Variants in RSRC1 observed in about 807,000 individuals in gnomAD.
RSRC1 encodes the protein serine/Arginine-related protein 53.
A neutral mutation model predicts 49.1 loss-of-function variants in RSRC1; 39 were observed. The ratio of observed to expected loss-of-function variants is 0.79; its 90% confidence interval spans 0.61 to 1.04. The LOEUF is 1.04. Among genes scored for constraint, RSRC1 ranks in the 50% least tolerant of loss-of-function variants. The pLI, the probability that RSRC1 is intolerant of heterozygous loss-of-function variation, is 0.00. For missense variants in RSRC1, 388 were observed against 402.4 expected (o/e 0.96, Z 0.31); for synonymous variants, 143 against 130.8 (o/e 1.09, Z -0.63).
intron 3 of RSRC1, among the ~76,000 whole-genome samples, chr3:158,133,856 T>C (rs1716191345): frequency 6.6e-6 from 1 of 152,228 alleles, no homozygotes; most frequent in South Asian, 2.1e-4. Context: ...CTTAGTTTAC[T>C]AAGTGGAACA....
intron 3 of RSRC1, among the ~76,000 whole-genome samples, chr3:158,190,136 C>T (rs1720152577): frequency 1.3e-5 from 2 of 151,934 alleles, no homozygotes; most frequent in Admixed American, 1.3e-4. Flanking sequence ...CTGATATCAA[C>T]TTGTCTTTCT....
intron 6 of RSRC1, among the ~76,000 whole-genome samples, chr3:158,396,409 T>G (rs1286610982): frequency 6.6e-6 from 1 of 151,106 alleles, no homozygotes; most frequent in Non-Finnish European, 1.5e-5. Context: ...TTTTTTTTAA[T>G]GAAGGAAGAT....
chr3:158,263,159 T>C (rs574201950), intron 4 of RSRC1, among the ~76,000 whole-genome samples: 21 of 152,298 alleles, frequency 1.4e-4, no homozygotes, highest in African/African-American at 4.6e-4. Flanking sequence ...GTTATCAAGA[T>C]AATTTTAGTA....
At position 158,464,786 on chromosome 3, in the gene RSRC1, C is replaced by T. The variant is rs75992286; in HGVS notation, c.652+3783C>T. Among the ~76,000 whole-genome samples the T allele has an allele frequency of 1.8e-3, 272 of 152,152 alleles. 2 individuals carry two copies. The East Asian group carries it at 0.043, about 24-fold the overall frequency. ...TGTCTTAATCATCATGAACTCTATA[C>T]GGTTTGTGCTATTATCCCTGTACAA... On this transcript the variant is annotated intron_variant, in intron 7 of 9. Coordinates refer to ENST00000611884, the MANE Select transcript of RSRC1 (RefSeq NM_001271838.2).
At chr3:158,173,107 TAC>T (rs1718974695) in intron 3 of RSRC1, among the ~76,000 whole-genome samples, 1 of 152,064 alleles carries the variant, frequency 6.6e-6, no homozygotes, top group Non-Finnish European at 1.5e-5. Context: ...TATTTACATA[TAC>T]ACATATCAAA....
At chr3:158,449,800 T>C (rs1055007525) in intron 6 of RSRC1, among the ~76,000 whole-genome samples, 1 of 151,968 alleles carries the variant, frequency 6.6e-6, no homozygotes, top group Non-Finnish European at 1.5e-5. Context: ...CATTTTGAAT[T>C]GGTAAATTCT....
At chr3:158,146,006 T>C (rs903716353) in intron 3 of RSRC1, among the ~76,000 whole-genome samples, 3 of 152,224 alleles carry the variant, frequency 2.0e-5, no homozygotes, top group Non-Finnish European at 2.9e-5. Flanking sequence ...CTGAAGTTGC[T>C]TATCAGCTTA....
Position 158,414,067 on chromosome 3 carries a change from T to G in RSRC1, c.584-46868T>G, listed in dbSNP as rs143117690. Among the ~76,000 whole-genome samples, 3 of 152,302 alleles carry G rather than the reference T, an allele frequency of 2.0e-5. No individual in the cohort carries two copies. In the East Asian group the frequency reaches 5.8e-4, roughly 29 times the overall value. On this transcript the variant is annotated intron_variant, in intron 6 of 9. Transcript: ENST00000611884. ...ATTACTGGGTATATACCCAAAGGAA[T>G]ATAAATTATTCTCTTATAAAGATAC...
At chr3:158,220,887 T>G (rs1014249202) in intron 4 of RSRC1, among the ~76,000 whole-genome samples, 20 of 151,538 alleles carry the variant, frequency 1.3e-4, no homozygotes, top group African/African-American at 4.8e-4. Flanking sequence ...GATTCTGCCT[T>G]TGCTGTTAGG....
At chr3:158,166,414 A>C (rs906716191) in intron 3 of RSRC1, among the ~76,000 whole-genome samples, 3 of 152,160 alleles carry the variant, frequency 2.0e-5, no homozygotes, top group East Asian at 1.9e-4. Context: ...GGTTGTCAAG[A>C]TATATATGCC....
chr3:158,121,060 ATATTT>A (rs1262030833), intron 1 of RSRC1, among the ~76,000 whole-genome samples: 5 of 151,898 alleles, frequency 3.3e-5, no homozygotes, highest in African/African-American at 4.8e-5. Flanking sequence ...TTGAAAAACT[ATATTT>A]TATATTATGA....
intron 1 of RSRC1, among the ~76,000 whole-genome samples, chr3:158,113,919 A>G (rs1714604144): frequency 6.6e-6 from 1 of 151,846 alleles, no homozygotes; most frequent in Non-Finnish European, 1.5e-5. Flanking sequence ...TCAGTTGTAT[A>G]GGTTGCAAAA....
chr3:158,319,827 G>T (rs913957309), intron 5 of RSRC1, among the ~76,000 whole-genome samples: 8 of 152,070 alleles, frequency 5.3e-5, no homozygotes, highest in Non-Finnish European at 7.4e-5. Context: ...TGAATTCCTG[G>T]TTTTTTAAGG....
intron 3 of RSRC1, among the ~76,000 whole-genome samples, chr3:158,147,093 C>G (rs1475362573): frequency 1.8e-5 from 1 of 56,280 alleles, no homozygotes; most frequent in Non-Finnish European, 3.2e-5. Context: ...CTTTCTTCTG[C>G]TTTTCTGCCT....
At chr3:158,460,808 T>A in intron 6 of RSRC1, 127 bp from the exon 7 acceptor site, 1 of 477,322 alleles carries the variant, frequency 2.1e-6, no homozygotes, top group Non-Finnish European at 3.8e-6. Context: ...GATGTTCAAC[T>A]GCCTTGTTTC....
At chr3:158,518,994 G>A (rs183347017) in intron 7 of RSRC1, among the ~76,000 whole-genome samples, 6 of 152,006 alleles carry the variant, frequency 3.9e-5, no homozygotes, top group East Asian at 1.9e-4. Context: ...TCTCTCTTCC[G>A]AACTCCAGAC....
At chr3:158,356,342 T>C (rs1314105024) in intron 6 of RSRC1, among the ~76,000 whole-genome samples, 1 of 152,096 alleles carries the variant, frequency 6.6e-6, no homozygotes, top group Non-Finnish European at 1.5e-5. Context: ...AAAGGATCTC[T>C]TGCATTAGTT....
intron 4 of RSRC1, among the ~76,000 whole-genome samples, chr3:158,264,446 AT>A (rs1725062035): frequency 6.6e-6 from 1 of 152,120 alleles, no homozygotes; most frequent in South Asian, 2.1e-4. Context: ...GAATAGCTCT[AT>A]TTTGATGAAT....
At chr3:158,313,957 A>G (rs1728260578) in intron 5 of RSRC1, among the ~76,000 whole-genome samples, 1 of 152,240 alleles carries the variant, frequency 6.6e-6, no homozygotes, top group South Asian at 2.1e-4. Flanking sequence ...AAGGTGAGAC[A>G]AAAAAGATCT....
Sources: gnomAD v4.1 joint callset for allele counts (sites outside exome capture counted in the v4.1 genomes callset) on GRCh38, gnomAD v4.1.1 for gene constraint, MANE v1.5 for transcripts, NCBI Gene and HGNC (gene_info 2026-07-23, HGNC 2026-07-21) for gene names.